Variants in ABHD18 observed in about 807,000 individuals in gnomAD.
The protein encoded by ABHD18 is abhydrolase domain containing 18, also known as cardiolipin-specific deacylase, mitochondrial.
Under a neutral mutation model 65.9 loss-of-function variants are expected in ABHD18, and 55 were observed. The observed-to-expected ratio is 0.84, with a 90% CI of 0.67 to 1.05. The LOEUF is 1.05. Among genes scored for constraint, ABHD18 ranks in the 50% least tolerant of loss-of-function variants. The pLI is 0.00. For missense variants in ABHD18, 533 were observed against 558.5 expected (o/e 0.95, Z 0.46); for synonymous variants, 181 against 180.2 (o/e 1.00, Z -0.04).
At chr4:127,985,135 A>C (rs1173668143) in intron 3 of ABHD18, among the ~76,000 whole-genome samples, 3 of 152,218 alleles carry the variant, frequency 2.0e-5, no homozygotes, top group Admixed American at 6.5e-5. Context: ...AAATAACACC[A>C]GGAAAAATAT....
At chr4:128,011,329 T>C (rs996847687) in intron 6 of ABHD18, among the ~76,000 whole-genome samples, 2 of 152,000 alleles carry the variant, frequency 1.3e-5, no homozygotes, top group South Asian at 4.1e-4. Context: ...TTTGTATTTT[T>C]AGTAGTGATG....
At chr4:127,971,966 C>T (rs1304732225) in intron 1 of ABHD18, among the ~76,000 whole-genome samples, 6 of 152,064 alleles carry the variant, frequency 3.9e-5, no homozygotes, top group South Asian at 2.1e-4. Flanking sequence ...CTTCAGGGGT[C>T]TCCAGGCCTC....
intron 8 of ABHD18, 118 bp from the exon 9 acceptor site, chr4:128,019,962 G>A: frequency 1.7e-6 from 1 of 574,044 alleles, no homozygotes; most frequent in East Asian, 3.0e-5. Flanking sequence ...ACGAATGTTT[G>A]CAGACTTTGT....
chr4:127,966,933 T>G (rs1745687701), intron 1 of ABHD18, among the ~76,000 whole-genome samples: 1 of 150,714 alleles, frequency 6.6e-6, no homozygotes, highest in South Asian at 2.1e-4. Flanking sequence ...TTCAGAAATA[T>G]CTTCTAAATC....
Position 128,012,151 on chromosome 4 carries a change from A to G in ABHD18, c.470+451A>G, listed in dbSNP as rs180681269. Among the ~76,000 whole-genome samples the G allele has an allele frequency of 5.3e-5, 8 of 152,080 alleles. No individual in the cohort carries two copies. The East Asian group carries it at 5.8e-4, about 11-fold the overall frequency. On this transcript the variant is annotated intron_variant, in intron 7 of 12. Coordinates refer to ENST00000645843, the MANE Select transcript of ABHD18 (RefSeq NM_001358451.3). ...ACCACCACACCTGGCTAATTTTTGT[A>G]TGTTTAGTAGAGATGGGCTTTCACC...
At position 128,007,327 on chromosome 4, in the gene ABHD18, C is replaced by CT. The variant is rs1312273769; in HGVS notation, c.279-1592dup. 5.4e-5 allele frequency among the ~76,000 whole-genome samples: 5 copies of CT among 92,308 alleles called. No individual in the cohort carries two copies. The South Asian group carries it at 1.4e-3, about 27-fold the overall frequency. 60.6% of individuals were successfully genotyped at this position (92,308 alleles called of 152,430 possible). On this transcript the variant is annotated intron_variant, in intron 4 of 12. Coordinates refer to ENST00000645843, the MANE Select transcript of ABHD18 (RefSeq NM_001358451.3). The stretch of plus-strand genomic sequence containing the variant: ...TATGGGCTAAAGTGAGACCTTGTCT[C>CT]TAAAAAAAAAAAAAAAAAAAAGGTT...
chr4:128,033,020 G>A lies in ABHD18; in HGVS notation c.1343+2348G>A, dbSNP rs555377835. ...TGTAATCCCAGCACTTTGGGAGGCC[G>A]AGGCGGGTGGATCACGAGGCCAGGA... On this transcript the variant is annotated intron_variant, in intron 12 of 12. Transcript: ENST00000645843. Among the ~76,000 whole-genome samples, 8 of 152,186 alleles carry A rather than the reference G, an allele frequency of 5.3e-5. No individual in the cohort carries two copies. In the East Asian group the frequency reaches 5.8e-4, roughly 11 times the overall value.
chr4:128,026,413 C>T (rs1050644889), intron 10 of ABHD18, among the ~76,000 whole-genome samples: 1 of 151,176 alleles, frequency 6.6e-6, no homozygotes, highest in Non-Finnish European at 1.5e-5. Flanking sequence ...GAGCTGAAAT[C>T]GTGCCATTGC....
chr4:128,031,094 T>G (rs565489205), intron 12 of ABHD18: 74 of 989,230 alleles, frequency 7.5e-5, no homozygotes, highest in Admixed American at 1.8e-4. Context: ...TATTGAACCT[T>G]AAATAAGAAG....
intron 4 of ABHD18, among the ~76,000 whole-genome samples, chr4:127,993,130 G>A (rs1751202539): frequency 6.6e-6 from 1 of 152,038 alleles, no homozygotes; most frequent in Non-Finnish European, 1.5e-5. Flanking sequence ...TAGCCAGTAT[G>A]CTAAAGGATA....
chr4:128,006,245 A>G (rs1438933513), intron 4 of ABHD18, among the ~76,000 whole-genome samples: 1 of 152,226 alleles, frequency 6.6e-6, no homozygotes, highest in Non-Finnish European at 1.5e-5. Flanking sequence ...CACTACATGC[A>G]TTGCTATGGA....
chr4:128,032,507 A>G (rs1758352321), intron 12 of ABHD18, among the ~76,000 whole-genome samples: 2 of 152,158 alleles, frequency 1.3e-5, no homozygotes, highest in Admixed American at 6.5e-5. Flanking sequence ...CAATATGGTA[A>G]AACCCCGTCT....
chr4:128,004,708 C>T (rs948013201), intron 4 of ABHD18, among the ~76,000 whole-genome samples: 11 of 150,686 alleles, frequency 7.3e-5, no homozygotes, highest in African/African-American at 2.4e-4. Context: ...GTCAGGAGTT[C>T]GAGACCAGCC....
chr4:127,996,808 C>T (rs1037095964), intron 4 of ABHD18, among the ~76,000 whole-genome samples: 45 of 152,290 alleles, frequency 3.0e-4, no homozygotes, highest in African/African-American at 9.6e-4. Flanking sequence ...AAGAATTCAG[C>T]GATATTTCTC....
chr4:128,005,262 A>G (rs1057292467), intron 4 of ABHD18, among the ~76,000 whole-genome samples: 16 of 152,148 alleles, frequency 1.1e-4, no homozygotes, highest in Admixed American at 6.6e-5. Flanking sequence ...ACATGTTGAA[A>G]CTTTGGTATA....
intron 10 of ABHD18, among the ~76,000 whole-genome samples, chr4:128,025,787 T>C (rs1757249499): frequency 6.6e-6 from 1 of 152,244 alleles, no homozygotes; most frequent in South Asian, 2.1e-4. Flanking sequence ...TTTTTATTTT[T>C]TGTCAACTGG....
At chr4:127,990,882 T>C (rs959379564) in intron 4 of ABHD18, among the ~76,000 whole-genome samples, 4 of 152,234 alleles carry the variant, frequency 2.6e-5, no homozygotes, top group African/African-American at 9.6e-5. Context: ...TTTTGTTTGT[T>C]TGTTGAGACA....
chr4:127,989,107 T>G lies in ABHD18; in HGVS notation c.178-614T>G, dbSNP rs548363653. Among the ~76,000 whole-genome samples the G allele has an allele frequency of 3.3e-5, 5 of 152,244 alleles. No homozygotes were observed. In the East Asian group the frequency reaches 9.6e-4, roughly 29 times the overall value. On this transcript the variant is annotated intron_variant, in intron 3 of 12. Coordinates refer to ENST00000645843, the MANE Select transcript of ABHD18 (RefSeq NM_001358451.3). ...TATTGAACCATAAAAAAGAATGAAA[T>G]ATTGTCATTTGCAACAACATGGGTG... is the stretch of plus-strand genomic sequence containing the variant.
At chr4:127,981,049 A>G (rs1381225999) in intron 1 of ABHD18, among the ~76,000 whole-genome samples, 1 of 152,098 alleles carries the variant, frequency 6.6e-6, no homozygotes, top group Non-Finnish European at 1.5e-5. Flanking sequence ...GAACATAGTA[A>G]TGGGTAGATT....
Sources: gnomAD v4.1 joint callset for allele counts (sites outside exome capture counted in the v4.1 genomes callset) on GRCh38, gnomAD v4.1.1 for gene constraint, MANE v1.5 for transcripts, NCBI Gene and HGNC (gene_info 2026-07-23, HGNC 2026-07-21) for gene names.